MICU1: variants seen among roughly 807,000 people sequenced by gnomAD.
MICU1 encodes mitochondrial calcium uptake 1, also known as calcium uptake protein 1, mitochondrial.
A neutral mutation model predicts 56.8 loss-of-function variants in MICU1; 45 were observed. The observed-to-expected ratio is 0.79, with a 90% confidence interval of 0.62 to 1.02. The LOEUF is 1.02. Among genes scored for constraint, MICU1 ranks in the 50% least tolerant of loss-of-function variants. The pLI, the probability that MICU1 is intolerant of heterozygous loss-of-function variation, is 0.00. For missense variants in MICU1, 504 were observed against 587.1 expected, an observed-to-expected ratio of 0.86 and a Z score of 1.46; for synonymous variants, 186 against 195.1, an observed-to-expected ratio of 0.95 and a Z score of 0.39.
chr10:72,442,327 A>G (rs1184206454), intron 8 of MICU1, among the ~76,000 whole-genome samples: 1 of 151,814 alleles, frequency 6.6e-6, no homozygotes, highest in African/African-American at 2.4e-5. Context: ...ATTTTTTAGT[A>G]GAGATAGGGT....
intron 5 of MICU1, among the ~76,000 whole-genome samples, chr10:72,511,759 T>C (rs1238441985): frequency 6.6e-6 from 1 of 152,192 alleles, no homozygotes; most frequent in African/African-American, 2.4e-5. Flanking sequence ...AAACGCACAA[T>C]GCTTACACAC....
chr10:72,590,662 A>T (rs1003740062), intron 1 of MICU1, among the ~76,000 whole-genome samples: 5 of 151,884 alleles, frequency 3.3e-5, no homozygotes, highest in Admixed American at 3.3e-4. Flanking sequence ...AAATACAAAA[A>T]ATTAGCCATG....
intron 1 of MICU1, among the ~76,000 whole-genome samples, chr10:72,614,554 A>G (rs771328127): frequency 1.3e-5 from 2 of 152,220 alleles, no homozygotes; most frequent in Non-Finnish European, 2.9e-5. Context: ...TTTCTTAATC[A>G]TGGCAAAATT....
chr10:72,535,989 C>G (rs565548985), intron 4 of MICU1, among the ~76,000 whole-genome samples: 2 of 152,042 alleles, frequency 1.3e-5, no homozygotes, highest in African/African-American at 4.8e-5. Context: ...CTCATCCCTA[C>G]GTGGAAGCCA....
intron 10 of MICU1, among the ~76,000 whole-genome samples, chr10:72,397,848 C>A (rs143507988): frequency 1.3e-5 from 2 of 152,034 alleles, no homozygotes; most frequent in African/African-American, 2.4e-5. Context: ...ACTTTAACAC[C>A]CCACTGTCAA....
chr10:72,370,609 T>C (rs948728872), intron 11 of MICU1, among the ~76,000 whole-genome samples: 2 of 152,148 alleles, frequency 1.3e-5, no homozygotes, highest in African/African-American at 4.8e-5. Context: ...TGGTGACTCT[T>C]GGGGAAGGAA....
Position 72,498,308 on chromosome 10 carries a change from G to A in MICU1, c.652+9847C>T, listed in dbSNP as rs146878150. Among the ~76,000 whole-genome samples, 596 of 152,240 alleles carry A rather than the reference G, an allele frequency of 3.9e-3. 4 individuals are homozygous for A. Among genetic ancestry groups the A allele is most frequent in the African/African-American group, 0.013 (554 of 41,544 alleles). On this transcript the variant is annotated intron_variant, in intron 6 of 11. Coordinates refer to ENST00000361114, the MANE Select transcript of MICU1 (RefSeq NM_001195518.2). ...CCTAAGAAAGAAGGAAGCCTGGGCC[G>A]GGCACAGTGGCTCACACCTGTAATC...
chr10:72,604,860 C>T (rs1841645401), intron 1 of MICU1, among the ~76,000 whole-genome samples: 1 of 152,144 alleles, frequency 6.6e-6, no homozygotes, highest in Non-Finnish European at 1.5e-5. Flanking sequence ...CCAGCTTGAC[C>T]TCTTATTGGC....
At chr10:72,515,649 C>T (rs1048403048) in intron 5 of MICU1, among the ~76,000 whole-genome samples, 4 of 152,136 alleles carry the variant, frequency 2.6e-5, no homozygotes, top group African/African-American at 9.7e-5. Flanking sequence ...GCTTAGAATA[C>T]ACAAAAAGTA....
At position 72,368,169 on chromosome 10, in the gene MICU1, G is replaced by A. The variant is rs1292881564; in HGVS notation, c.*26C>T. On this transcript the variant is annotated 3_prime_UTR_variant, in exon 12 of 12. Coordinates refer to ENST00000361114, the MANE Select transcript of MICU1 (RefSeq NM_001195518.2). ...GAGGGGGTCCAGGGTACTGGGGGTG[G>A]AGGGGTCCCCTCTTGCAGTGTGGGG... is the stretch of plus-strand genomic sequence containing the variant. 2 of 1,598,268 alleles carry A rather than the reference G, an allele frequency of 1.3e-6. No homozygotes were observed. The highest frequency in any genetic ancestry group is 1.7e-6 in the Non-Finnish European group (2 of 1,169,464).
chr10:72,575,411 A>G (rs1384180840), intron 1 of MICU1, among the ~76,000 whole-genome samples: 4 of 152,242 alleles, frequency 2.6e-5, no homozygotes, highest in African/African-American at 9.7e-5. Flanking sequence ...AGAAGCACAA[A>G]AAAAGAGTAA....
intron 6 of MICU1, among the ~76,000 whole-genome samples, chr10:72,506,964 T>C (rs1416280722): frequency 6.6e-6 from 1 of 152,166 alleles, no homozygotes; most frequent in Non-Finnish European, 1.5e-5. Flanking sequence ...TGGCAAGGCA[T>C]ATACATATAT....
At chr10:72,479,369 G>A (rs1046417977) in intron 6 of MICU1, among the ~76,000 whole-genome samples, 2 of 152,162 alleles carry the variant, frequency 1.3e-5, no homozygotes, top group Non-Finnish European at 2.9e-5. Flanking sequence ...ATGACACAGT[G>A]GTTATGTCAG....
chr10:72,533,881 C>A, intron 4 of MICU1, 92 bp from the exon 5 acceptor site: 2 of 848,252 alleles, frequency 2.4e-6, no homozygotes, highest in South Asian at 1.8e-5. Flanking sequence ...TCCAGTCATT[C>A]AGTTAAAAGT....
intron 6 of MICU1, among the ~76,000 whole-genome samples, chr10:72,500,568 T>C (rs2132328334): frequency 6.6e-6 from 1 of 151,936 alleles, no homozygotes; most frequent in Admixed American, 6.6e-5. Flanking sequence ...ATGATCTTCC[T>C]GCCTCAGCCT....
At position 72,567,595 on chromosome 10, in the gene MICU1, A is replaced by G. The variant is rs1840472592; in HGVS notation, c.-1-801T>C. The stretch of plus-strand genomic sequence containing the variant: ...GAAAGCCACTCTCTGTGATGCCAGA[A>G]CAAGTCATCTACTGGACAACTCATG... On this transcript the variant is annotated intron_variant, in intron 1 of 11. Transcript: ENST00000361114. Among the ~76,000 whole-genome samples the G allele has an allele frequency of 2.0e-5, 3 of 152,306 alleles. No homozygotes were observed. In the South Asian group the frequency reaches 6.2e-4, roughly 32 times the overall value.
At chr10:72,443,405 T>G (rs1392751983) in intron 8 of MICU1, among the ~76,000 whole-genome samples, 1 of 152,252 alleles carries the variant, frequency 6.6e-6, no homozygotes, top group African/African-American at 2.4e-5. Flanking sequence ...TTGGCTTTTG[T>G]TGCCATTGTT....
intron 6 of MICU1, among the ~76,000 whole-genome samples, chr10:72,495,060 A>G (rs956342552): frequency 2.0e-5 from 3 of 152,140 alleles, no homozygotes; most frequent in Non-Finnish European, 4.4e-5. Context: ...AGATTATTCA[A>G]TATCAGTGAT....
At chr10:72,501,250 G>C (rs939428577) in intron 6 of MICU1, among the ~76,000 whole-genome samples, 2 of 151,866 alleles carry the variant, frequency 1.3e-5, no homozygotes, top group Non-Finnish European at 2.9e-5. Context: ...GGAGTAAAGA[G>C]GGGATACAAA....
Sources: allele counts gnomAD v4.1 joint callset (sites outside exome capture counted in the v4.1 genomes callset), GRCh38; gene constraint gnomAD v4.1.1; transcripts MANE v1.5; gene names NCBI Gene and HGNC (gene_info 2026-07-23, HGNC 2026-07-21).